The following ERBB4 variants were observed in gnomAD, a reference collection of about 807,000 sequenced individuals.
ERBB4 encodes receptor tyrosine-protein kinase erbB-4.
In ERBB4, 42 loss-of-function variants were observed where a neutral mutation model predicts 158.0. That is an observed-to-expected ratio of 0.27 (90% CI 0.21 to 0.34). The LOEUF (loss-of-function observed/expected upper bound fraction) is 0.34, where lower values mean the gene tolerates loss of function less well. ERBB4 is among the 10% of genes least tolerant of loss of function. The probability of loss-of-function intolerance (pLI) is 1.00; values close to 1 mark genes in which losing one functional copy is unlikely to be tolerated. For missense variants in ERBB4, 1,333 were observed against 1,624.1 expected (o/e 0.82, Z 3.08); for synonymous variants, 583 against 558.7 (o/e 1.04, Z -0.61).
At chr2:211,404,304 G>C (rs565346716) in intron 25 of ERBB4, among the ~76,000 whole-genome samples, 1 of 152,118 alleles carries the variant, frequency 6.6e-6, no homozygotes, top group Non-Finnish European at 1.5e-5. Context: ...TACGCCTTTG[G>C]TGATCCTTAG....
At chr2:212,033,577 A>G (rs2076949982) in intron 2 of ERBB4, among the ~76,000 whole-genome samples, 1 of 151,872 alleles carries the variant, frequency 6.6e-6, no homozygotes, top group African/African-American at 2.4e-5. Flanking sequence ...AAGTAACTGT[A>G]TTTTTAAAAT....
rs149625489 is a variant in ERBB4 at position 211,578,122 on chromosome 2, G to A, written c.2302-16034C>T. 5.1e-3 allele frequency among the ~76,000 whole-genome samples: 781 copies of A among 152,082 alleles called. 7 individuals carry two copies. The highest frequency in any genetic ancestry group is 0.018 in the African/African-American group (740 of 41,484). On this transcript the variant is annotated intron_variant, in intron 19 of 27. Coordinates refer to ENST00000342788, the MANE Select transcript of ERBB4 (RefSeq NM_005235.3). ...CAGCGAAGTCTCAGGATATAAAATC[G>A]GTGTGCAAAAGTCACAAGCACTCCT...
intron 20 of ERBB4, among the ~76,000 whole-genome samples, chr2:211,450,318 T>A (rs1423429556): frequency 6.6e-6 from 1 of 151,708 alleles, no homozygotes; most frequent in Non-Finnish European, 1.5e-5. Flanking sequence ...ATCTTAAGAG[T>A]GATAAAAGTC....
chr2:212,418,852 TC>T (rs1220846602), intron 1 of ERBB4, among the ~76,000 whole-genome samples: 1 of 151,882 alleles, frequency 6.6e-6, no homozygotes, highest in Admixed American at 6.6e-5. Flanking sequence ...AATAGGTGTT[TC>T]TGAAGTGTTT....
chr2:212,492,957 T>C (rs1227243004), intron 1 of ERBB4, among the ~76,000 whole-genome samples: 1 of 151,542 alleles, frequency 6.6e-6, no homozygotes, highest in East Asian at 1.9e-4. Flanking sequence ...GTTTCAATTA[T>C]AATCATTGAA....
intron 1 of ERBB4, among the ~76,000 whole-genome samples, chr2:212,418,487 T>C (rs1404442458): frequency 6.6e-6 from 1 of 151,182 alleles, no homozygotes; most frequent in African/African-American, 2.4e-5. Context: ...TTATTGTAAT[T>C]TTCAATCAAT....
chr2:211,664,793 T>C (rs1227855555), intron 15 of ERBB4, among the ~76,000 whole-genome samples: 3 of 152,218 alleles, frequency 2.0e-5, no homozygotes, highest in Admixed American at 6.5e-5. Context: ...TTTCACAAAA[T>C]GTACTCATTT....
At chr2:211,661,687 T>C (rs1305603956) in intron 15 of ERBB4, among the ~76,000 whole-genome samples, 1 of 152,140 alleles carries the variant, frequency 6.6e-6, no homozygotes, top group Non-Finnish European at 1.5e-5. Context: ...TTTCCCTCTC[T>C]TGATGTATAA....
chr2:212,060,255 A>G (rs1049706908), intron 2 of ERBB4, among the ~76,000 whole-genome samples: 3 of 152,122 alleles, frequency 2.0e-5, no homozygotes, highest in Non-Finnish European at 4.4e-5. Context: ...CAAAACCACA[A>G]TGAGATACCA....
chr2:212,446,597 ATATATAT>A (rs2092357485), intron 1 of ERBB4, among the ~76,000 whole-genome samples: 211 of 17,186 alleles, frequency 0.012, 17 homozygotes, highest in Non-Finnish European at 0.018. Context: ...ATATGTATAT[ATATATAT>A]ATATATATAT....
At chr2:212,015,110 A>T in intron 2 of ERBB4, among the ~76,000 whole-genome samples, 2 of 94,586 alleles carry the variant, frequency 2.1e-5, no homozygotes. Flanking sequence ...ATATATATAT[A>T]TAAAAATTAG....
At chr2:212,137,292 C>T (rs560537554) in intron 1 of ERBB4, among the ~76,000 whole-genome samples, 1 of 152,116 alleles carries the variant, frequency 6.6e-6, no homozygotes, top group East Asian at 1.9e-4. Context: ...AAGCTTAGTA[C>T]ACATTAGTTA....
At chr2:211,568,159 A>G (rs1222963608) in intron 19 of ERBB4, among the ~76,000 whole-genome samples, 1 of 151,678 alleles carries the variant, frequency 6.6e-6, no homozygotes, top group Non-Finnish European at 1.5e-5. Flanking sequence ...TCTTGTAGGT[A>G]AGTTTCAGAG....
chr2:211,859,314 G>A (rs1453749678), intron 3 of ERBB4, among the ~76,000 whole-genome samples: 2 of 151,932 alleles, frequency 1.3e-5, no homozygotes, highest in African/African-American at 4.8e-5. Flanking sequence ...ACAAATATAT[G>A]GCAACCCTAA....
intron 19 of ERBB4, among the ~76,000 whole-genome samples, chr2:211,585,212 C>T (rs920116112): frequency 6.6e-5 from 10 of 152,114 alleles, no homozygotes; most frequent in African/African-American, 1.9e-4. Flanking sequence ...ATTAGCTGGG[C>T]GTGGCAGCGG....
chr2:212,526,733 C>A (rs1692470042), intron 1 of ERBB4, among the ~76,000 whole-genome samples: 1 of 151,996 alleles, frequency 6.6e-6, no homozygotes, highest in East Asian at 1.9e-4. Context: ...TCATGGCTAG[C>A]AATGGTATCT....
At chr2:212,343,274 C>A (rs574795530) in intron 1 of ERBB4, among the ~76,000 whole-genome samples, 2 of 152,244 alleles carry the variant, frequency 1.3e-5, no homozygotes, top group Admixed American at 1.3e-4. Context: ...ACCACACACA[C>A]CTCCATATCA....
At chr2:212,314,108 A>G (rs568579754) in intron 1 of ERBB4, among the ~76,000 whole-genome samples, 11 of 151,298 alleles carry the variant, frequency 7.3e-5, no homozygotes, top group African/African-American at 2.7e-4. Flanking sequence ...TCTTTCCCTA[A>G]AATGCTGAAT....
intron 1 of ERBB4, among the ~76,000 whole-genome samples, chr2:212,170,605 C>G (rs970813678): frequency 3.9e-5 from 6 of 152,152 alleles, no homozygotes; most frequent in Admixed American, 6.5e-5. Context: ...AGGCTGGGCC[C>G]CAGGCCTTGC....
Sources: allele counts gnomAD v4.1 joint callset (sites outside exome capture counted in the v4.1 genomes callset), GRCh38; gene constraint gnomAD v4.1.1; transcripts MANE v1.5; gene names NCBI Gene and HGNC (gene_info 2026-07-23, HGNC 2026-07-21).